Variants in BRINP3 observed in about 807,000 individuals in gnomAD.
BRINP3 encodes the protein BMP/retinoic acid-inducible neural-specific protein 3.
Under a neutral mutation model 71.0 loss-of-function variants are expected in BRINP3, and 19 were observed. The observed-to-expected ratio is 0.27, with a 90% CI of 0.19 to 0.39. BRINP3 has a LOEUF of 0.39. Ranked by LOEUF, BRINP3 falls within the 10% of genes least tolerant of loss-of-function variation. The probability of loss-of-function intolerance (pLI) is 1.00; values close to 1 mark genes in which losing one functional copy is unlikely to be tolerated. For synonymous variants in BRINP3, 380 were observed against 337.7 expected (o/e 1.13, Z -1.37); for missense variants, 959 against 940.8 (o/e 1.02, Z -0.25).
intron 1 of BRINP3, among the ~76,000 whole-genome samples, chr1:190,460,963 A>G (rs976634291): frequency 6.6e-6 from 1 of 152,166 alleles, no homozygotes; most frequent in Non-Finnish European, 1.5e-5. Flanking sequence ...CTTTGCCTCT[A>G]AAATGTATTA....
At chr1:190,162,101 C>A (rs1300384609) in intron 6 of BRINP3, among the ~76,000 whole-genome samples, 2 of 150,780 alleles carry the variant, frequency 1.3e-5, no homozygotes, top group African/African-American at 4.9e-5. Flanking sequence ...GTACTTTTTA[C>A]AGAAAAAAGA....
At chr1:190,366,460 T>G (rs1669508448) in intron 2 of BRINP3, among the ~76,000 whole-genome samples, 1 of 152,124 alleles carries the variant, frequency 6.6e-6, no homozygotes, top group African/African-American at 2.4e-5. Flanking sequence ...GGAACTACAA[T>G]TCAAGATGAG....
At chr1:190,276,181 C>T (rs1303662129) in intron 3 of BRINP3, among the ~76,000 whole-genome samples, 2 of 151,390 alleles carry the variant, frequency 1.3e-5, no homozygotes, top group Admixed American at 1.3e-4. Context: ...TAATTCTATG[C>T]ATCTCAAGTA....
At chr1:190,390,042 G>A (rs1222212452) in intron 2 of BRINP3, among the ~76,000 whole-genome samples, 1 of 151,700 alleles carries the variant, frequency 6.6e-6, no homozygotes, top group African/African-American at 2.4e-5. Flanking sequence ...TGTAAAGATG[G>A]AAAAACAAAC....
intron 7 of BRINP3, among the ~76,000 whole-genome samples, chr1:190,154,826 T>C (rs112841530): frequency 6.6e-6 from 1 of 152,142 alleles, no homozygotes; most frequent in Admixed American, 6.6e-5. Flanking sequence ...ACGTTTTTCA[T>C]GGAAAACCAT....
intron 3 of BRINP3, among the ~76,000 whole-genome samples, chr1:190,271,191 T>C (rs1036661180): frequency 6.6e-6 from 1 of 151,648 alleles, no homozygotes; most frequent in African/African-American, 2.4e-5. Context: ...GAAGGCATTC[T>C]TTCACTGGTT....
chr1:190,240,872 CAAAAAAAAAAAAA>C (rs71123078), intron 4 of BRINP3, among the ~76,000 whole-genome samples: 5 of 38,268 alleles, frequency 1.3e-4, no homozygotes, highest in East Asian at 8.9e-4. Flanking sequence ...AACTCTGTCT[CAAAAAAAAAAAAA>C]AAAAAAAAAA....
At chr1:190,401,632 G>T (rs1671936177) in intron 2 of BRINP3, among the ~76,000 whole-genome samples, 1 of 151,960 alleles carries the variant, frequency 6.6e-6, no homozygotes, top group Non-Finnish European at 1.5e-5. Flanking sequence ...GGATGAACAA[G>T]ATCTCCAGGA....
At position 190,312,537 on chromosome 1, in the gene BRINP3, G is replaced by C. The variant is rs528629813; in HGVS notation, c.237-30787C>G. On this transcript the variant is annotated intron_variant, in intron 2 of 7. Coordinates refer to ENST00000367462, the MANE Select transcript of BRINP3 (RefSeq NM_199051.3). Reference sequence around the variant, plus strand: ...AGTTGTGGATCCAGTTATATTACAAGTTGTCTTTCTGCCTCAAAATAGGAA... The same window carrying C: ...AGTTGTGGATCCAGTTATATTACAACTTGTCTTTCTGCCTCAAAATAGGAA... Among the ~76,000 whole-genome samples the C allele has an allele frequency of 2.6e-5, 4 of 151,722 alleles. No individual in the cohort carries two copies. The South Asian group carries it at 8.3e-4, about 31-fold the overall frequency.
chr1:190,196,333 A>G (rs1332442335), intron 6 of BRINP3, among the ~76,000 whole-genome samples: 1 of 152,158 alleles, frequency 6.6e-6, no homozygotes, highest in East Asian at 1.9e-4. Context: ...TAAATCAAAT[A>G]GTCAAATTGC....
chr1:190,114,829 A>C (rs1432365890), intron 7 of BRINP3, among the ~76,000 whole-genome samples: 2 of 152,080 alleles, frequency 1.3e-5, no homozygotes, highest in Non-Finnish European at 2.9e-5. Context: ...TTGCTTCTCT[A>C]TCTGAGCATT....
chr1:190,317,825 G>C (rs1383682516), intron 2 of BRINP3, among the ~76,000 whole-genome samples: 7 of 151,970 alleles, frequency 4.6e-5, no homozygotes, highest in Non-Finnish European at 1.0e-4. Context: ...CTACTAGTTT[G>C]AATGAGTAGA....
At chr1:190,301,210 T>TATATATACAC (rs1558160695) in intron 2 of BRINP3, among the ~76,000 whole-genome samples, 1 of 107,828 alleles carries the variant, frequency 9.3e-6, no homozygotes, top group African/African-American at 4.1e-5. Flanking sequence ...CATACATATA[T>TATATATACAC]ATATATATAT....
At chr1:190,282,328 G>C (rs1663103406) in intron 2 of BRINP3, among the ~76,000 whole-genome samples, 1 of 151,310 alleles carries the variant, frequency 6.6e-6, no homozygotes, top group Non-Finnish European at 1.5e-5. Context: ...GATGCAAAGT[G>C]ATTTTATGGA....
chr1:190,358,019 T>G (rs1668855334), intron 2 of BRINP3, among the ~76,000 whole-genome samples: 1 of 152,100 alleles, frequency 6.6e-6, no homozygotes, highest in Non-Finnish European at 1.5e-5. Context: ...TCAGGATGGA[T>G]TAAAGACTTA....
chr1:190,470,821 T>G (rs563301899), intron 1 of BRINP3, among the ~76,000 whole-genome samples: 1 of 151,302 alleles, frequency 6.6e-6, no homozygotes, highest in East Asian at 1.9e-4. Flanking sequence ...TAAATATTTA[T>G]GCTATATCTT....
At chr1:190,307,261 T>G (rs960294112) in intron 2 of BRINP3, among the ~76,000 whole-genome samples, 7 of 55,988 alleles carry the variant, frequency 1.3e-4, no homozygotes, top group Admixed American at 2.4e-4. Context: ...AAACATTGTT[T>G]TTTTTTTTTT....
chr1:190,160,750 T>C lies in BRINP3; in HGVS notation c.1102A>G (p.Lys368Glu). The C allele has an allele frequency of 6.2e-7, 1 of 1,613,572 alleles. No individual in the cohort carries two copies. Among genetic ancestry groups the C allele is most frequent in the Non-Finnish European group, 8.5e-7 (1 of 1,179,676 alleles). The change falls in exon 7 of 8, where the codon AAG becomes GAG. Residue 368 changes from lysine to glutamate, a missense_variant. By Grantham distance (56) the Lys-to-Glu change is moderately conservative. Transcript: ENST00000367462. The part of the protein sequence containing the change: ...LENSMKQLFL[K>E]AQKIVHKLFS... ...AGCTTGTGTACAATTTTCTGCGCCT[T>C]TAGGAAAAGTTGTTTCATGCTGTTC...
At chr1:190,319,237 A>G (rs991642836) in intron 2 of BRINP3, among the ~76,000 whole-genome samples, 1 of 152,018 alleles carries the variant, frequency 6.6e-6, no homozygotes, top group Non-Finnish European at 1.5e-5. Context: ...AGCTTGGAAT[A>G]CCTTACGCTC....
Sources: allele counts gnomAD v4.1 joint callset (sites outside exome capture counted in the v4.1 genomes callset), GRCh38; gene constraint gnomAD v4.1.1; transcripts MANE v1.5; gene names NCBI Gene and HGNC (gene_info 2026-07-23, HGNC 2026-07-21).